The following DLC1 variants were observed in gnomAD, a reference collection of about 807,000 sequenced individuals.
DLC1 encodes the protein DLC1 Rho GTPase activating protein, also known as rho GTPase-activating protein 7.
DLC1 carries 54 observed loss-of-function variants against 140.3 expected under a neutral mutation model. The ratio of observed to expected loss-of-function variants is 0.38; its 90% confidence interval spans 0.31 to 0.48. DLC1 has a LOEUF of 0.48. Among genes scored for constraint, DLC1 ranks in the 20% least tolerant of loss-of-function variants. DLC1 has a pLI of 0.96. For missense variants in DLC1, 2,536 were observed against 1,907.0 expected (o/e 1.33, Z -6.14); for synonymous variants, 986 against 728.1 (o/e 1.35, Z -5.70).
intron 4 of DLC1, among the ~76,000 whole-genome samples, chr8:13,325,202 T>G (rs758930227): frequency 6.6e-6 from 1 of 152,108 alleles, no homozygotes; most frequent in East Asian, 1.9e-4. Flanking sequence ...TGTAGGCTGT[T>G]TGCTAGTATG....
chr8:13,482,980 A>G (rs1159589907), intron 2 of DLC1, among the ~76,000 whole-genome samples: 2 of 152,220 alleles, frequency 1.3e-5, no homozygotes, highest in African/African-American at 4.8e-5. Context: ...TAACTGTTCT[A>G]AAACAACAGG....
intron 5 of DLC1, among the ~76,000 whole-genome samples, chr8:13,236,858 G>A (rs1333646805): frequency 6.6e-6 from 1 of 151,024 alleles, no homozygotes; most frequent in Non-Finnish European, 1.5e-5. Context: ...GAAAAACAAA[G>A]CTATAGCTAG....
At position 13,400,765 on chromosome 8, in the gene DLC1, A is replaced by G. The variant is rs144645502; in HGVS notation, c.1173+705T>C. ...TTGAAAAGTGATTCATAGCTTAATT[A>G]TAAGTAAACTCAACCATCCTAGATC... On this transcript the variant is annotated intron_variant, in intron 3 of 17. Transcript: ENST00000276297. 2.9e-3 allele frequency among the ~76,000 whole-genome samples: 446 copies of G among 152,026 alleles called. 4 individuals are homozygous for G. The highest frequency in any genetic ancestry group is 0.011 in the African/African-American group (439 of 41,470).
intron 2 of DLC1, among the ~76,000 whole-genome samples, chr8:13,440,801 T>C (rs60260990): frequency 6.6e-6 from 1 of 152,168 alleles, no homozygotes; most frequent in Non-Finnish European, 1.5e-5. Context: ...CATTTGCTTC[T>C]TCCTCATGTT....
chr8:13,201,366 G>A (rs1827370580), intron 5 of DLC1, among the ~76,000 whole-genome samples: 1 of 152,102 alleles, frequency 6.6e-6, no homozygotes, highest in Admixed American at 6.5e-5. Context: ...ACATTGTAAA[G>A]ATCACTTTGA....
At chr8:13,314,983 T>C (rs901733039) in intron 4 of DLC1, among the ~76,000 whole-genome samples, 3 of 152,214 alleles carry the variant, frequency 2.0e-5, no homozygotes, top group South Asian at 2.1e-4. Context: ...ATATAGGTTT[T>C]ATTTTGGCTG....
At chr8:13,535,820 T>C (rs191379837) in intron 1 of DLC1, among the ~76,000 whole-genome samples, 1 of 152,178 alleles carries the variant, frequency 6.6e-6, no homozygotes, top group East Asian at 1.9e-4. Flanking sequence ...ATAACTCTGA[T>C]TATCTACTTA....
chr8:13,563,072 G>C (rs929631947), intron 1 of DLC1, among the ~76,000 whole-genome samples: 9 of 152,132 alleles, frequency 5.9e-5, no homozygotes, highest in African/African-American at 1.7e-4. Context: ...GTAATGGCAA[G>C]AACAGAGAAG....
chr8:13,396,867 C>A (rs1183850698), intron 3 of DLC1, among the ~76,000 whole-genome samples: 3 of 152,134 alleles, frequency 2.0e-5, no homozygotes, highest in Non-Finnish European at 4.4e-5. Context: ...TCCACTGCTA[C>A]CATAAGCAGA....
At chr8:13,353,731 C>G (rs1411299419) in intron 4 of DLC1, among the ~76,000 whole-genome samples, 1 of 152,002 alleles carries the variant, frequency 6.6e-6, no homozygotes, top group Non-Finnish European at 1.5e-5. Context: ...TTGGCAGGTG[C>G]CTGTAAACCC....
intron 5 of DLC1, among the ~76,000 whole-genome samples, chr8:13,255,042 T>C (rs1830162290): frequency 1.3e-5 from 2 of 151,980 alleles, no homozygotes. Context: ...AGTGGCGCAA[T>C]CTCGGCTCAC....
At chr8:13,328,879 C>T (rs1671381) in intron 4 of DLC1, among the ~76,000 whole-genome samples, 128,171 of 151,776 alleles carry the variant, frequency 0.84, 54,724 homozygotes, top group East Asian at 0.95. Context: ...TGATCTGGGA[C>T]TAGGTGAGAT....
chr8:13,480,656 A>C (rs1352027526), intron 2 of DLC1, among the ~76,000 whole-genome samples: 2 of 152,180 alleles, frequency 1.3e-5, no homozygotes, highest in Admixed American at 6.5e-5. Flanking sequence ...CACAGTAGGA[A>C]GGAGAAGAGA....
intron 2 of DLC1, among the ~76,000 whole-genome samples, chr8:13,486,842 T>G (rs1443399391): frequency 1.3e-5 from 2 of 152,206 alleles, no homozygotes; most frequent in Admixed American, 6.5e-5. Context: ...AGGGATGTCC[T>G]TGATGAATGG....
chr8:13,086,492 G>A (rs1276892363), intron 16 of DLC1, 29 bp from the exon 17 acceptor site: 3 of 1,601,980 alleles, frequency 1.9e-6, no homozygotes, highest in East Asian at 4.5e-5. Flanking sequence ...AGGCAGAAAT[G>A]ATGGAATTTC....
At position 13,401,542 on chromosome 8, in the gene DLC1, C is replaced by G; in HGVS notation, c.1101G>C (p.Gln367His). The G allele has an allele frequency of 6.2e-7, 1 of 1,613,450 alleles. No individual in the cohort carries two copies. The stretch of plus-strand genomic sequence containing the variant: ...TGGTGCTGAGGGCATTTTCTATGTC[C>G]TGATCAAGCTGGTCCAGTTTCATAA... ...LLIMKLDQLD[Q>H]DIENALSTSS... Residue 367 changes from glutamine (Q) to histidine (H), a missense_variant, in exon 3 of 18, where the codon CAG (glutamine) becomes CAC (histidine). Transcript: ENST00000276297.
At chr8:13,210,470 G>A (rs1053515610) in intron 5 of DLC1, among the ~76,000 whole-genome samples, 3 of 152,092 alleles carry the variant, frequency 2.0e-5, no homozygotes, top group African/African-American at 7.2e-5. Context: ...GAAAAAAATC[G>A]AAGTATGCTA....
intron 4 of DLC1, among the ~76,000 whole-genome samples, chr8:13,328,720 G>T (rs1833470070): frequency 6.6e-6 from 1 of 152,112 alleles, no homozygotes; most frequent in African/African-American, 2.4e-5. Context: ...CTGGATGCAG[G>T]TACTCAAGGG....
chr8:13,322,543 G>C (rs1235825260), intron 4 of DLC1, among the ~76,000 whole-genome samples: 1 of 152,080 alleles, frequency 6.6e-6, no homozygotes, highest in Non-Finnish European at 1.5e-5. Flanking sequence ...AGAGACCTCA[G>C]ATCTAGTCCT....
Sources: gnomAD v4.1 joint callset for allele counts (sites outside exome capture counted in the v4.1 genomes callset) on GRCh38, gnomAD v4.1.1 for gene constraint, MANE v1.5 for transcripts, NCBI Gene and HGNC (gene_info 2026-07-23, HGNC 2026-07-21) for gene names.